Variants in UBR2 observed in about 807,000 individuals in gnomAD.
UBR2 encodes ubiquitin protein ligase E3 component n-recognin 2, also known as E3 ubiquitin-protein ligase UBR2.
A neutral mutation model predicts 247.9 loss-of-function variants in UBR2; 92 were observed. That is an observed-to-expected ratio of 0.37 (90% CI 0.31 to 0.44). The LOEUF is 0.44. UBR2 is among the 20% of genes least tolerant of loss of function. The pLI is 1.00. For missense variants in UBR2, 1,613 were observed against 2,112.6 expected, an observed-to-expected ratio of 0.76 and a Z score of 4.64; for synonymous variants, 672 against 693.5, an observed-to-expected ratio of 0.97 and a Z score of 0.49.
At chr6:42,622,879 C>G (rs886822126) in intron 11 of UBR2, among the ~76,000 whole-genome samples, 2 of 151,284 alleles carry the variant, frequency 1.3e-5, no homozygotes, top group Non-Finnish European at 2.9e-5. Flanking sequence ...GATGCTCAGG[C>G]CAGTCTCAAA....
intron 34 of UBR2, among the ~76,000 whole-genome samples, chr6:42,668,034 C>G (rs1798224994): frequency 1.3e-5 from 2 of 152,108 alleles, no homozygotes; most frequent in African/African-American, 4.8e-5. Context: ...GCTGGGATTA[C>G]AGGCATGAGC....
At position 42,668,006 on chromosome 6, in the gene UBR2, G is replaced by A. The variant is rs1194499110; in HGVS notation, c.3881+1761G>A. On this transcript the variant is annotated intron_variant, in intron 34 of 46. Coordinates refer to ENST00000372901, the MANE Select transcript of UBR2 (RefSeq NM_001363705.2). ...ACTCCTGACCTCAGGTGATCCACCC[G>A]CCTCAGCCTCCCAAAGTGCTGGGAT... 3.3e-5 allele frequency among the ~76,000 whole-genome samples: 5 copies of A among 151,934 alleles called. No individual in the cohort carries two copies. The South Asian group carries it at 6.2e-4, about 19-fold the overall frequency.
rs540125543 is a variant in UBR2 at position 42,602,159 on chromosome 6, G to A, written c.532-1429G>A. Among the ~76,000 whole-genome samples, 5 of 150,892 alleles carry A rather than the reference G, an allele frequency of 3.3e-5. No individual in the cohort carries two copies. The South Asian group carries it at 1.0e-3, about 32-fold the overall frequency. Reference sequence around the variant, plus strand: ...GTTGGGATTACAGGCGTGAGCCACCGTGCCCGGCCAAGCCACCATGCCTGG... The same window carrying A: ...GTTGGGATTACAGGCGTGAGCCACCATGCCCGGCCAAGCCACCATGCCTGG... On this transcript the variant is annotated intron_variant, in intron 4 of 46. Coordinates refer to ENST00000372901, the MANE Select transcript of UBR2 (RefSeq NM_001363705.2).
rs748437697 is a variant in UBR2 at position 42,573,980 on chromosome 6, A to G, written c.325A>G (p.Thr109Ala). The part of the protein sequence containing the change: ...CGRVFKVGEP[T>A]YSCRDCAVDP... ...TCGTGTTTTTAAAGTAGGAGAGCCT[A>G]CATATTCTTGCAGGTAAAATATTTT... Residue 109 changes from threonine to alanine, a missense_variant, in exon 2 of 47, where the codon ACA becomes GCA. Around this residue, in one of 3 missense-constraint regions of UBR2, gnomAD observed 1,524 missense variants for 1,967.3 expected, o/e 0.77. Transcript: ENST00000372901. The G allele has an allele frequency of 6.3e-7, 1 of 1,591,788 alleles. No individual in the cohort carries two copies.
chr6:42,653,508 A>G (rs1046575535), intron 25 of UBR2, among the ~76,000 whole-genome samples: 19 of 151,896 alleles, frequency 1.3e-4, no homozygotes, highest in African/African-American at 4.6e-4. Flanking sequence ...GCCAAGTTTC[A>G]ATGAGGTTCC....
chr6:42,633,731 T>G (rs1388651317), intron 13 of UBR2, among the ~76,000 whole-genome samples: 1 of 150,254 alleles, frequency 6.7e-6, no homozygotes, highest in Non-Finnish European at 1.5e-5. Context: ...TTGTTTTGTT[T>G]TGTTTTGTTT....
chr6:42,582,620 TC>T (rs1331466279), intron 2 of UBR2, among the ~76,000 whole-genome samples: 2 of 152,170 alleles, frequency 1.3e-5, no homozygotes, highest in African/African-American at 4.8e-5. Context: ...GGTGATGTTG[TC>T]AGACTTTTTT....
At position 42,683,063 on chromosome 6, in the gene UBR2, G is replaced by T. The variant is rs761770410; in HGVS notation, c.4727G>T (p.Arg1576Leu). The change falls in exon 43 of 47, where the codon CGT becomes CTT. Residue 1576 changes from arginine to leucine, a missense_variant. Physicochemically the swap from Arg to Leu is moderately radical, Grantham distance 102. Around this residue, in one of 3 missense-constraint regions of UBR2, gnomAD observed 1,524 missense variants for 1,967.3 expected, o/e 0.77. Coordinates refer to ENST00000372901, the MANE Select transcript of UBR2 (RefSeq NM_001363705.2). ...IMNSLIESWC[R>L]NSEVKRYLEG... ...CTCTGTTTACATTAAAGTTGGTGCC[G>T]TAACAGTGAAGTTAAAAGATATCTA... The T allele has an allele frequency of 6.2e-7, 1 of 1,612,264 alleles. No individual in the cohort carries two copies. The highest frequency in any genetic ancestry group is 1.3e-5 in the African/African-American group (1 of 74,924).
At chr6:42,650,070 A>G (rs1797026587) in intron 22 of UBR2, among the ~76,000 whole-genome samples, 1 of 152,218 alleles carries the variant, frequency 6.6e-6, no homozygotes, top group South Asian at 2.1e-4. Flanking sequence ...TCACTTGTCT[A>G]GTTAGGATAA....
chr6:42,619,200 C>G (rs548093164), intron 11 of UBR2, among the ~76,000 whole-genome samples: 2 of 151,006 alleles, frequency 1.3e-5, no homozygotes, highest in South Asian at 4.2e-4. Flanking sequence ...ATTCTTAGGC[C>G]TTTTTCAAAA....
chr6:42,676,278 G>A, intron 39 of UBR2, 87 bp downstream of exon 39: 1 of 1,406,454 alleles, frequency 7.1e-7, no homozygotes, highest in Non-Finnish European at 9.5e-7. Context: ...AAGGTATTTG[G>A]ATGAGAATAA....
intron 14 of UBR2, among the ~76,000 whole-genome samples, chr6:42,636,472 C>A (rs991896956): frequency 4.6e-5 from 7 of 152,168 alleles, no homozygotes; most frequent in Non-Finnish European, 8.8e-5. Context: ...AGCCACCACA[C>A]TCAGCCTGCA....
intron 5 of UBR2, 107 bp downstream of exon 5, chr6:42,603,825 A>G: frequency 8.9e-7 from 1 of 1,122,874 alleles, no homozygotes; most frequent in Non-Finnish European, 1.2e-6. Flanking sequence ...TTTTAGCAGA[A>G]CAATAACCTC....
In UBR2 at chr6:42,594,312, C is replaced by T. The variant is rs1399624800; in HGVS notation, c.531+8C>T. 1 of 1,593,366 alleles carries T rather than the reference C, an allele frequency of 6.3e-7. No individual in the cohort carries two copies. Among genetic ancestry groups the T allele is most frequent in the South Asian group, 1.1e-5 (1 of 87,882 alleles). On this transcript the variant is annotated splice_region_variant and intron_variant, in intron 4 of 46. Transcript: ENST00000372901. ...GAAATTGAGGAAGAAGAGGTAAAAA[C>T]ATTTTCACAAAGTTGTTTTTAACCC...
chr6:42,605,896 TTTACTATAGGTAAG>T lies in UBR2; in HGVS notation c.801+51_801+64del, dbSNP rs753095875. ...TACCATGTTGATAATAAATTGAATTTTTACTATAGGTAAGTTACTATAGGTAACTGGAGAATTGA... is the reference window on the plus strand; with the variant it reads ...TACCATGTTGATAATAAATTGAATTTTTACTATAGGTAACTGGAGAATTGA... On this transcript the variant is annotated intron_variant, in intron 6 of 46. Coordinates refer to ENST00000372901, the MANE Select transcript of UBR2 (RefSeq NM_001363705.2). The T allele has an allele frequency of 3.2e-6, 5 of 1,562,942 alleles. No homozygotes were observed. In the African/African-American group the frequency reaches 4.1e-5, roughly 13 times the overall value.
Position 42,640,243 on chromosome 6 carries a change from A to T in UBR2, c.1893A>T (p.Ala631=). 2 of 1,608,098 alleles carry T rather than the reference A, an allele frequency of 1.2e-6. No homozygotes were observed. The highest frequency in any genetic ancestry group is 1.7e-6 in the Non-Finnish European group (2 of 1,178,192). ...TATTATTAAGCAAAAGTGAAGTGGC[A>T]TATAAATTTCCAGAGCTCCTACCTC... is the stretch of plus-strand genomic sequence containing the variant. ...LHVLLSKSEV[A]YKFPELLPLS... The change falls in exon 16 of 47, where the codon GCA becomes GCT. Residue 631 remains alanine, a synonymous_variant. Transcript: ENST00000372901.
At chr6:42,589,521 G>A (rs1792519182) in intron 2 of UBR2, among the ~76,000 whole-genome samples, 1 of 152,190 alleles carries the variant, frequency 6.6e-6, no homozygotes, top group Admixed American at 6.6e-5. Flanking sequence ...CTAATAGAAT[G>A]AGTTAGGAAG....
At chr6:42,590,394 T>A (rs1036402745) in intron 2 of UBR2, among the ~76,000 whole-genome samples, 1 of 152,244 alleles carries the variant, frequency 6.6e-6, no homozygotes, top group Non-Finnish European at 1.5e-5. Flanking sequence ...ACTCTAGCTT[T>A]ACTTTTCTTT....
chr6:42,619,453 A>ATATGTATTTTTTTTTT, intron 11 of UBR2: 1 of 23,716 alleles, frequency 4.2e-5, no homozygotes, highest in African/African-American at 1.2e-4. Context: ...ATATATATAT[A>ATATGTATTTTTTTTTT]TTTTTTTTTT....
Sources: allele counts gnomAD v4.1 joint callset (sites outside exome capture counted in the v4.1 genomes callset), GRCh38; gene constraint gnomAD v4.1.1; regional missense constraint gnomAD v4.1.1; transcripts MANE v1.5; gene names NCBI Gene and HGNC (gene_info 2026-07-23, HGNC 2026-07-21).